Variants in PRKN observed in about 807,000 individuals in gnomAD.
PRKN encodes the protein E3 ubiquitin-protein ligase parkin.
PRKN carries 56 observed loss-of-function variants against 59.5 expected under a neutral mutation model. The ratio of observed to expected loss-of-function variants is 0.94; its 90% CI spans 0.76 to 1.18. The LOEUF (loss-of-function observed/expected upper bound fraction) is 1.18, where lower values mean the gene tolerates loss of function less well. PRKN is among the 50% of genes most tolerant of loss of function. The probability of loss-of-function intolerance (pLI) is 0.00; values close to 1 mark genes in which losing one functional copy is unlikely to be tolerated. For synonymous variants in PRKN, 250 were observed against 222.1 expected, an observed-to-expected ratio of 1.13 and a Z score of -1.12; for missense variants, 657 against 596.4, an observed-to-expected ratio of 1.10 and a Z score of -1.06.
intron 10 of PRKN, among the ~76,000 whole-genome samples, chr6:161,383,947 G>T (rs567575251): frequency 6.6e-6 from 1 of 152,314 alleles, no homozygotes; most frequent in Non-Finnish European, 1.5e-5. Flanking sequence ...TGGTTGGTTT[G>T]CTTTGTTTTC....
intron 7 of PRKN, among the ~76,000 whole-genome samples, chr6:161,654,004 ATT>A (rs34048733): frequency 3.3e-5 from 5 of 151,002 alleles, no homozygotes; most frequent in South Asian, 4.2e-4. Context: ...AATAAAATGC[ATT>A]TTTTTTTTAA....
chr6:161,357,392 G>T lies in PRKN; in HGVS notation c.1285+2696C>A, dbSNP rs1222622643. Reference sequence around the variant, plus strand: ...TATCTTGCAAACTGCCACCACCAGAGTCTGGGCTACCGAGGAGGCCACTAA... The same window carrying T: ...TATCTTGCAAACTGCCACCACCAGATTCTGGGCTACCGAGGAGGCCACTAA... On this transcript the variant is annotated intron_variant, in intron 11 of 11. Coordinates refer to ENST00000366898, the MANE Select transcript of PRKN (RefSeq NM_004562.3). The surrounding 1 kb of genome is among the most constrained non-coding windows in gnomAD (Gnocchi z 5.5). Among the ~76,000 whole-genome samples, 2 of 152,170 alleles carry T rather than the reference G, an allele frequency of 1.3e-5. No homozygotes were observed. Among genetic ancestry groups the T allele is most frequent in the Non-Finnish European group, 2.9e-5 (2 of 68,042 alleles).
At chr6:162,221,194 C>T (rs138953172) in intron 3 of PRKN, among the ~76,000 whole-genome samples, 221 of 152,284 alleles carry the variant, frequency 1.5e-3, no homozygotes, top group African/African-American at 5.1e-3. Flanking sequence ...TCATTTAGTG[C>T]GTAAGGAATT....
chr6:161,625,080 T>C (rs755919964), intron 7 of PRKN, among the ~76,000 whole-genome samples: 1 of 152,368 alleles, frequency 6.6e-6, no homozygotes, highest in South Asian at 2.1e-4. Flanking sequence ...TTAAAGTAGA[T>C]GACTTTCAAG....
At chr6:161,902,919 G>T (rs1236515467) in intron 6 of PRKN, among the ~76,000 whole-genome samples, 1 of 152,166 alleles carries the variant, frequency 6.6e-6, no homozygotes, top group South Asian at 2.1e-4. Context: ...AACACCTCAT[G>T]CTGCCTGTAT....
At chr6:162,201,021 T>A in intron 4 of PRKN, 110 bp downstream of exon 4, 1 of 1,201,082 alleles carries the variant, frequency 8.3e-7, no homozygotes, top group South Asian at 1.2e-5. Context: ...CAGAAGAGAA[T>A]GTCTTTTCTT....
intron 4 of PRKN, among the ~76,000 whole-genome samples, chr6:162,184,939 A>G (rs1479482805): frequency 6.6e-6 from 1 of 152,142 alleles, no homozygotes; most frequent in African/African-American, 2.4e-5. Context: ...CAAAACTCTT[A>G]TACACAAAAC....
chr6:161,642,979 C>G (rs1191860160), intron 7 of PRKN, among the ~76,000 whole-genome samples: 1 of 152,108 alleles, frequency 6.6e-6, no homozygotes, highest in African/African-American at 2.4e-5. Context: ...TTTCTAGTTT[C>G]TGGTTTCAAT....
chr6:162,152,614 C>G (rs1782320016), intron 4 of PRKN, among the ~76,000 whole-genome samples: 1 of 152,186 alleles, frequency 6.6e-6, no homozygotes, highest in African/African-American at 2.4e-5. Context: ...GGAAGGAAGA[C>G]TTGGTATCTG....
chr6:161,389,111 A>G (rs1036420575), intron 9 of PRKN, among the ~76,000 whole-genome samples: 31 of 152,320 alleles, frequency 2.0e-4, no homozygotes, highest in Non-Finnish European at 4.4e-4. Context: ...CAAAAATAAT[A>G]GAAACCAGGA....
At chr6:161,814,492 A>G (rs1370328916) in intron 6 of PRKN, among the ~76,000 whole-genome samples, 1 of 152,166 alleles carries the variant, frequency 6.6e-6, no homozygotes, top group Non-Finnish European at 1.5e-5. Flanking sequence ...GAGTGTGTGC[A>G]GGGGAACTGC....
rs1259187443 is a variant in PRKN, at chr6:161,498,937, G to A, written c.1083+49917C>T. On this transcript the variant is annotated intron_variant, in intron 9 of 11. Coordinates refer to ENST00000366898, the MANE Select transcript of PRKN (RefSeq NM_004562.3). This position sits in a 1 kb window ranked among gnomAD's most constrained non-coding sequence, Gnocchi z 4.2. ...AGAGTGAGATGGGGTGAGTGTGTGTGTATGGGGATGGGGGAGGATTGAGAT... is the reference window on the plus strand; with the variant it reads ...AGAGTGAGATGGGGTGAGTGTGTGTATATGGGGATGGGGGAGGATTGAGAT... Among the ~76,000 whole-genome samples, 13 of 152,142 alleles carry A rather than the reference G, an allele frequency of 8.5e-5. No individual in the cohort carries two copies. Among genetic ancestry groups the A allele is most frequent in the Non-Finnish European group, 2.9e-5 (2 of 68,018 alleles).
Position 162,424,483 on chromosome 6 carries a change from C to G in PRKN, c.171+18827G>C, listed in dbSNP as rs560126108. On this transcript the variant is annotated intron_variant, in intron 2 of 11. Transcript: ENST00000366898. Reference sequence around the variant, plus strand: ...GGGCGTGGTGGCTCACGCTTGTAATCCCAGCACTTTGGGAGGCCGAGGCAG... The same window carrying G: ...GGGCGTGGTGGCTCACGCTTGTAATGCCAGCACTTTGGGAGGCCGAGGCAG... Among the ~76,000 whole-genome samples, 5 of 152,182 alleles carry G rather than the reference C, an allele frequency of 3.3e-5. 1 individual carries two copies. In the South Asian group the frequency reaches 1.0e-3, roughly 32 times the overall value.
intron 2 of PRKN, among the ~76,000 whole-genome samples, chr6:162,355,654 G>T (rs1386311334): frequency 6.6e-6 from 1 of 151,714 alleles, no homozygotes; most frequent in Non-Finnish European, 1.5e-5. Flanking sequence ...AGGAAAGTGG[G>T]TTGGAGATGA....
At chr6:162,360,753 A>G (rs530766970) in intron 2 of PRKN, among the ~76,000 whole-genome samples, 40 of 152,234 alleles carry the variant, frequency 2.6e-4, no homozygotes, top group African/African-American at 8.9e-4. Flanking sequence ...CATTACTTCT[A>G]TGTTTCCGTG....
chr6:162,631,996 A>G (rs35509380), intron 1 of PRKN, among the ~76,000 whole-genome samples: 11,872 of 151,700 alleles, frequency 0.078, 684 homozygotes, highest in Middle Eastern at 0.17. Context: ...AAAAAAAAAA[A>G]AAAAAGATGT....
rs1436258401 is a variant in PRKN at position 161,679,678 on chromosome 6, C to G, written c.871+106094G>C. The stretch of plus-strand genomic sequence containing the variant: ...CCTTTGGTTTATAATAGAACCACCC[C>G]CCCCCCTTTTTTTTTTTTAAGAAAC... On this transcript the variant is annotated intron_variant, in intron 7 of 11. Transcript: ENST00000366898. Among the ~76,000 whole-genome samples, 8 of 137,640 alleles carry G rather than the reference C, an allele frequency of 5.8e-5. No individual in the cohort carries two copies. The East Asian group carries it at 1.8e-3, about 30-fold the overall frequency. The allele number at this position is 137,640 out of a possible 152,430, so 90.3% of individuals were successfully genotyped here.
At chr6:162,386,719 G>A (rs1786836886) in intron 2 of PRKN, among the ~76,000 whole-genome samples, 1 of 152,098 alleles carries the variant, frequency 6.6e-6, no homozygotes, top group African/African-American at 2.4e-5. Context: ...TGTGTGCGCA[G>A]GTATAAGGGA....
chr6:161,660,016 G>A (rs538720565), intron 7 of PRKN, among the ~76,000 whole-genome samples: 2 of 152,224 alleles, frequency 1.3e-5, no homozygotes, highest in South Asian at 2.1e-4. Flanking sequence ...TGATGTATCC[G>A]AATGGCAGCA....
Sources: gnomAD v4.1 joint callset for allele counts (sites outside exome capture counted in the v4.1 genomes callset) on GRCh38, gnomAD v4.1.1 for gene constraint, Gnocchi (gnomAD v3.1) non-coding constraint, MANE v1.5 for transcripts, NCBI Gene and HGNC (gene_info 2026-07-23, HGNC 2026-07-21) for gene names.